Variants in ENTREP2 observed in about 807,000 individuals in gnomAD.
ENTREP2 encodes the protein endosomal transmembrane epsin interactor 2.
At chr15:29,391,667 C>T in the ENTREP2 span, among the ~76,000 whole-genome samples, 24 of 152,222 alleles carry the variant, frequency 1.6e-4, no homozygotes, top group Admixed American at 1.1e-3. Context: ...CCTCCTCTTA[C>T]GGGTATCTAC....
the ENTREP2 span, chr15:29,614,215 G>C: frequency 6.4e-6 from 1 of 157,154 alleles, no homozygotes; most frequent in African/African-American, 2.4e-5. Flanking sequence ...GGGCATGAAC[G>C]AGATGGAGTT....
At chr15:29,448,933 C>T in the ENTREP2 span, among the ~76,000 whole-genome samples, 6 of 152,184 alleles carry the variant, frequency 3.9e-5, no homozygotes, top group Non-Finnish European at 7.3e-5. Flanking sequence ...GAACACATTT[C>T]ACCTGCAGCT....
chr15:29,432,603 C>T, the ENTREP2 span, among the ~76,000 whole-genome samples: 3 of 152,228 alleles, frequency 2.0e-5, no homozygotes, highest in Admixed American at 6.5e-5. Context: ...GTCCCCAGTG[C>T]ACACTGGGGG....
At chr15:29,553,747 T>C in the ENTREP2 span, among the ~76,000 whole-genome samples, 1 of 152,136 alleles carries the variant, frequency 6.6e-6, no homozygotes, top group Non-Finnish European at 1.5e-5. Context: ...GCTACAAGTA[T>C]ACACGTGGCT....
At chr15:29,433,399 C>T in the ENTREP2 span, among the ~76,000 whole-genome samples, 1 of 152,166 alleles carries the variant, frequency 6.6e-6, no homozygotes, top group Admixed American at 6.5e-5. Context: ...TTCCCTTTAC[C>T]CTTAGAAACT....
the ENTREP2 span, chr15:29,570,624 C>T: frequency 7.0e-7 from 1 of 1,431,944 alleles, no homozygotes; most frequent in South Asian, 1.3e-5. Flanking sequence ...GCCCCGAGCG[C>T]CAGCACGATG....
chr15:29,407,257 T>C, the ENTREP2 span, among the ~76,000 whole-genome samples: 1 of 152,162 alleles, frequency 6.6e-6, no homozygotes, highest in Non-Finnish European at 1.5e-5. Context: ...GGTGAGTACT[T>C]TGTATTTAAC....
chr15:29,605,331 C>T, the ENTREP2 span, among the ~76,000 whole-genome samples: 1 of 152,176 alleles, frequency 6.6e-6, no homozygotes, highest in Admixed American at 6.5e-5. Context: ...ATTGGCCTCC[C>T]ACCCTCTGAA....
chr15:29,586,359 C>CA, the ENTREP2 span, among the ~76,000 whole-genome samples: 5 of 151,918 alleles, frequency 3.3e-5, no homozygotes, highest in Admixed American at 3.3e-4. Context: ...TTTGAGGTGA[C>CA]AAAAAAGTTC....
chr15:29,489,275 G>A, the ENTREP2 span, among the ~76,000 whole-genome samples: 5 of 152,164 alleles, frequency 3.3e-5, no homozygotes, highest in Admixed American at 2.6e-4. Flanking sequence ...TATGGAGCGA[G>A]GGTACTGATT....
At chr15:29,467,807 C>T in the ENTREP2 span, among the ~76,000 whole-genome samples, 3 of 152,212 alleles carry the variant, frequency 2.0e-5, no homozygotes, top group Non-Finnish European at 4.4e-5. Context: ...TGCAGCATGA[C>T]TTACCAGCCT....
the ENTREP2 span, among the ~76,000 whole-genome samples, chr15:29,313,279 CA>C: frequency 6.6e-6 from 1 of 152,212 alleles, no homozygotes; most frequent in Non-Finnish European, 1.5e-5. Flanking sequence ...ATACATGAAA[CA>C]ACAGATTTTC....
chr15:29,269,741 G>C, the ENTREP2 span: 2 of 1,449,892 alleles, frequency 1.4e-6, no homozygotes, highest in Non-Finnish European at 1.8e-6. Context: ...CACTCCGGTA[G>C]GCAAGCAGCC....
the ENTREP2 span, among the ~76,000 whole-genome samples, chr15:29,415,520 A>G: frequency 1.8e-4 from 28 of 152,166 alleles, no homozygotes; most frequent in Non-Finnish European, 3.8e-4. Context: ...AGAGCTATCT[A>G]TGACAAACCC....
the ENTREP2 span, among the ~76,000 whole-genome samples, chr15:29,568,533 T>TAA: frequency 2.0e-5 from 3 of 150,316 alleles, no homozygotes; most frequent in East Asian, 2.0e-4. Flanking sequence ...CCCCATCTCT[T>TAA]AAAAAAAAAA....
chr15:29,404,189 G>A, the ENTREP2 span, among the ~76,000 whole-genome samples: 57 of 152,072 alleles, frequency 3.7e-4, no homozygotes, highest in Non-Finnish European at 6.5e-4. Flanking sequence ...GCTGATGATA[G>A]CCCCGGTGAA....
the ENTREP2 span, among the ~76,000 whole-genome samples, chr15:29,332,946 C>T: frequency 2.0e-4 from 27 of 133,472 alleles, no homozygotes; most frequent in Admixed American, 1.7e-3. Context: ...GTAACAAAAG[C>T]GAAACTCCAT....
the ENTREP2 span, among the ~76,000 whole-genome samples, chr15:29,510,282 C>T: frequency 5.9e-5 from 9 of 152,236 alleles, no homozygotes; most frequent in South Asian, 2.1e-4. Context: ...GCAACAGGAA[C>T]GCTTTTACAC....
the ENTREP2 span, among the ~76,000 whole-genome samples, chr15:29,505,733 C>A: frequency 2.6e-5 from 4 of 152,080 alleles, no homozygotes; most frequent in South Asian, 8.3e-4. This position sits in a 1 kb window ranked among gnomAD's most constrained non-coding sequence, Gnocchi z 4.3. Flanking sequence ...AAAAGGATGA[C>A]CAAGCAAAAA....
Sources: gnomAD v4.1 joint callset for allele counts (sites outside exome capture counted in the v4.1 genomes callset) on GRCh38, gnomAD v4.1.1 for gene constraint, Gnocchi (gnomAD v3.1) non-coding constraint, MANE v1.5 for transcripts, NCBI Gene and HGNC (gene_info 2026-07-23, HGNC 2026-07-21) for gene names.